KDM6A: variants seen among roughly 807,000 people sequenced by gnomAD.
KDM6A encodes lysine-specific demethylase 6A.
KDM6A carries 11 observed loss-of-function variants against 117.6 expected under a neutral mutation model. That is an observed-to-expected ratio of 0.09 (90% confidence interval 0.06 to 0.15). The LOEUF is 0.15. Among genes scored for constraint, KDM6A ranks in the 10% least tolerant of loss-of-function variants. The pLI is 1.00. For missense variants in KDM6A, 799 were observed against 1,077.3 expected (o/e 0.74, Z 3.62); for synonymous variants, 384 against 396.1 (o/e 0.97, Z 0.36).
chrX:44,974,228 G>C (rs1213020393), intron 3 of KDM6A, among the ~76,000 whole-genome samples: 6 of 111,491 alleles, frequency 5.4e-5, no homozygotes, highest in African/African-American at 2.0e-4. Flanking sequence ...TTGAGTGAGA[G>C]AGTTGAGGGA....
intron 4 of KDM6A, among the ~76,000 whole-genome samples, chrX:44,996,813 G>A (rs1399950083): frequency 8.9e-6 from 1 of 111,736 alleles, no homozygotes; most frequent in African/African-American, 3.3e-5. Flanking sequence ...TTGCTATAGG[G>A]ATCAAAGCAT....
At chrX:45,038,178 T>G (rs2057408931) in intron 8 of KDM6A, among the ~76,000 whole-genome samples, 1 of 111,273 alleles carries the variant, frequency 9.0e-6, no homozygotes, top group Admixed American at 9.5e-5. Context: ...AGCTGAGATC[T>G]CGCCACTGCA....
At chrX:44,878,790 C>T (rs1320920602) in intron 2 of KDM6A, among the ~76,000 whole-genome samples, 2 of 110,225 alleles carry the variant, frequency 1.8e-5, no homozygotes, top group African/African-American at 6.6e-5. Flanking sequence ...AGAGTGATCT[C>T]GGCTCACTGC....
Position 45,069,608 on chromosome X carries a change from G to A in KDM6A, c.2109G>A (p.Ser703=), listed in dbSNP as rs541289730. The A allele has an allele frequency of 2.1e-5, 25 of 1,207,627 alleles. No individual in the cohort carries two copies. The South Asian group carries it at 2.5e-4, about 12-fold the overall frequency. ...TTCACAAAGGTCAGAGTTCACATTC[G>A]GCAGGTCCTAATGGTGAACGACCTC... ...QGLHKGQSSH[S]AGPNGERPLS... Residue 703 remains serine, a synonymous_variant, in exon 18 of 30, where the codon TCG becomes TCA. Coordinates refer to ENST00000611820, the MANE Select transcript of KDM6A (RefSeq NM_001291415.2).
chrX:45,108,787 C>T (rs758299960), intron 28 of KDM6A, among the ~76,000 whole-genome samples: 2 of 98,027 alleles, frequency 2.0e-5, no homozygotes, highest in East Asian at 3.2e-4. Context: ...TACTATGCAG[C>T]CATAAAAAAT....
At chrX:44,876,911 G>A (rs1248513384) in intron 2 of KDM6A, among the ~76,000 whole-genome samples, 3 of 110,054 alleles carry the variant, frequency 2.7e-5, no homozygotes, top group Non-Finnish European at 3.8e-5. Flanking sequence ...ATACATATAC[G>A]TATACACACA....
intron 27 of KDM6A, among the ~76,000 whole-genome samples, chrX:45,091,536 G>C: frequency 9.0e-6 from 1 of 111,702 alleles, no homozygotes; most frequent in East Asian, 2.8e-4. Context: ...TCTGGCTATG[G>C]AAATATGGGA....
At position 45,068,835 on chromosome X, in the gene KDM6A, C is replaced by T. The variant is rs200818244; in HGVS notation, c.2080-744C>T. Among the ~76,000 whole-genome samples, 23 of 71,362 alleles carry T rather than the reference C, an allele frequency of 3.2e-4. No homozygotes were observed. In the South Asian group the frequency reaches 3.7e-3, roughly 11 times the overall value. The allele number at this position is 71,362 out of a possible 115,157, so 62.0% of individuals were successfully genotyped here. A position where few individuals can be genotyped will look rare whatever the true frequency, so the allele number is the denominator to read the frequency against. ...CTCTTTCTCTTTCTCTTTCCCTTTC[C>T]CTTTCCCTTTCCCTTTCCCTTTCTC... On this transcript the variant is annotated intron_variant, in intron 17 of 29. Transcript: ENST00000611820.
At chrX:45,010,491 C>G (rs2041708731) in intron 4 of KDM6A, among the ~76,000 whole-genome samples, 1 of 111,176 alleles carries the variant, frequency 9.0e-6, no homozygotes, top group African/African-American at 3.3e-5. Context: ...ATGTTAATGC[C>G]TAGGTGATGA....
In KDM6A at chrX:45,082,705, CTT is replaced by C; in HGVS notation, c.3366-5_3366-4del. On this transcript the variant is annotated splice_polypyrimidine_tract_variant and splice_region_variant and intron_variant, in intron 22 of 29. Transcript: ENST00000611820. ...AAGGCATGTTTCTAATACTGTGTCTCTTTTTTAAGTTCTGGGAGGAGGAGGAA... is the reference window on the plus strand; with the variant it reads ...AAGGCATGTTTCTAATACTGTGTCTCTTTTAAGTTCTGGGAGGAGGAGGAA... 1 of 1,200,174 alleles carries C rather than the reference CTT, an allele frequency of 8.3e-7. No homozygotes were observed. The highest frequency in any genetic ancestry group is 1.7e-5 in the African/African-American group (1 of 57,403).
rs144617575 is a variant in KDM6A at position 44,878,590 on chromosome X, T to G, written c.225+4603T>G. Among the ~76,000 whole-genome samples, 322 of 112,215 alleles carry G rather than the reference T, an allele frequency of 2.9e-3. 1 individual carries two copies. The highest frequency in any genetic ancestry group is 0.01 in the African/African-American group (310 of 30,930). On this transcript the variant is annotated intron_variant, in intron 2 of 29. Transcript: ENST00000611820. The stretch of plus-strand genomic sequence containing the variant: ...ACATATTTGCATATTTGGTCACAAA[T>G]TAGAACTGCAGCAATACATAAACAG...
chrX:44,944,301 G>A (rs749640461), intron 2 of KDM6A, among the ~76,000 whole-genome samples: 7 of 111,587 alleles, frequency 6.3e-5, no homozygotes, highest in Non-Finnish European at 1.3e-4. Context: ...GCAGTGAGCC[G>A]AAGTTGCCCC....
chrX:45,089,601 C>G (rs932254237), intron 25 of KDM6A, 142 bp from the exon 26 acceptor site: 28 of 483,369 alleles, frequency 5.8e-5, no homozygotes, highest in African/African-American at 9.7e-5. Flanking sequence ...TATATACATA[C>G]AGCAGATCTT....
chrX:44,984,363 C>T lies in KDM6A; in HGVS notation c.384+9648C>T, dbSNP rs192713462. Among the ~76,000 whole-genome samples the T allele has an allele frequency of 2.8e-3, 313 of 111,237 alleles. 1 individual carries two copies. Among genetic ancestry groups the T allele is most frequent in the Admixed American group, 5.3e-3 (56 of 10,537 alleles). On this transcript the variant is annotated intron_variant, in intron 4 of 29. Coordinates refer to ENST00000611820, the MANE Select transcript of KDM6A (RefSeq NM_001291415.2). Reference sequence around the variant, plus strand: ...AAATTTTCTCCCATTTTGTGGGTTGCCTGTTCACTCTGATGGTAGTTTCTT... The same window carrying T: ...AAATTTTCTCCCATTTTGTGGGTTGTCTGTTCACTCTGATGGTAGTTTCTT...
At chrX:45,012,501 T>G (rs2147602370) in intron 5 of KDM6A, among the ~76,000 whole-genome samples, 1 of 110,963 alleles carries the variant, frequency 9.0e-6, no homozygotes, top group Admixed American at 9.6e-5. Flanking sequence ...CCACACCTGG[T>G]GACATTTTTT....
chrX:44,996,834 C>T (rs1358768249), intron 4 of KDM6A, among the ~76,000 whole-genome samples: 5 of 111,573 alleles, frequency 4.5e-5, no homozygotes, highest in East Asian at 5.7e-4. Context: ...GACTTGGGTT[C>T]GTTTTCTACC....
intron 2 of KDM6A, among the ~76,000 whole-genome samples, chrX:44,923,294 A>G (rs1240172066): frequency 9.1e-6 from 1 of 110,240 alleles, no homozygotes; most frequent in Non-Finnish European, 1.9e-5. Context: ...ATTTTCACCA[A>G]ATTCGGAAAA....
intron 2 of KDM6A, among the ~76,000 whole-genome samples, chrX:44,938,379 C>T (rs2037100289): frequency 8.9e-6 from 1 of 111,914 alleles, no homozygotes; most frequent in South Asian, 3.7e-4. Flanking sequence ...AAAATCGAAC[C>T]AGCCCCACAG....
intron 21 of KDM6A, 108 bp from the exon 22 acceptor site, chrX:45,082,468 C>A: frequency 1.8e-6 from 1 of 542,428 alleles, no homozygotes; most frequent in Non-Finnish European, 3.2e-6. Flanking sequence ...AGTTTCAAAA[C>A]ACAAATAATA....
Sources: gnomAD v4.1 joint callset for allele counts (sites outside exome capture counted in the v4.1 genomes callset) on GRCh38, gnomAD v4.1.1 for gene constraint, MANE v1.5 for transcripts, NCBI Gene and HGNC (gene_info 2026-07-23, HGNC 2026-07-21) for gene names.